Variants in DCC observed in about 807,000 individuals in gnomAD.
DCC encodes DCC netrin 1 receptor.
Under a neutral mutation model 172.5 loss-of-function variants are expected in DCC, and 58 were observed. That is an observed-to-expected ratio of 0.34 (90% CI 0.27 to 0.42). The LOEUF (loss-of-function observed/expected upper bound fraction) is 0.42, where lower values mean the gene tolerates loss of function less well. Among genes scored for constraint, DCC ranks in the 10% least tolerant of loss-of-function variants. The probability of loss-of-function intolerance (pLI) is 1.00; values close to 1 mark genes in which losing one functional copy is unlikely to be tolerated. For missense variants in DCC, 1,740 were observed against 1,791.0 expected (o/e 0.97, Z 0.51); for synonymous variants, 709 against 644.5 (o/e 1.10, Z -1.52).
intron 12 of DCC, among the ~76,000 whole-genome samples, chr18:53,279,398 CA>C (rs1175570873): frequency 2.7e-5 from 4 of 148,810 alleles, no homozygotes; most frequent in African/African-American, 9.9e-5. Context: ...ATCGCAAGGA[CA>C]AAAAACCAAA....
intron 1 of DCC, among the ~76,000 whole-genome samples, chr18:52,705,759 C>T (rs762455921): frequency 5.3e-5 from 8 of 152,044 alleles, no homozygotes; most frequent in African/African-American, 9.7e-5. Context: ...ATAGGTAAAG[C>T]GTCAAAAATA....
intron 1 of DCC, among the ~76,000 whole-genome samples, chr18:52,353,474 A>T (rs1005740396): frequency 1.3e-5 from 2 of 152,174 alleles, no homozygotes; most frequent in Non-Finnish European, 2.9e-5. Context: ...GAGCACACAC[A>T]TGCTCAAAGT....
At chr18:52,763,997 T>C (rs1421300205) in intron 2 of DCC, among the ~76,000 whole-genome samples, 3 of 152,272 alleles carry the variant, frequency 2.0e-5, no homozygotes, top group Admixed American at 6.5e-5. Context: ...AATAATTCAT[T>C]AATGAATGTT....
chr18:53,411,665 A>C (rs560518946), intron 20 of DCC, among the ~76,000 whole-genome samples: 1 of 152,184 alleles, frequency 6.6e-6, no homozygotes, highest in Non-Finnish European at 1.5e-5. Context: ...AGCTATTCAA[A>C]AGCTGGGTTT....
At chr18:52,711,728 C>G (rs1412106240) in intron 1 of DCC, among the ~76,000 whole-genome samples, 1 of 152,060 alleles carries the variant, frequency 6.6e-6, no homozygotes, top group Non-Finnish European at 1.5e-5. Flanking sequence ...TTCTTCTGAC[C>G]CAGTAAAAAT....
intron 2 of DCC, among the ~76,000 whole-genome samples, chr18:52,773,708 T>C (rs1007801423): frequency 2.0e-5 from 3 of 152,168 alleles, no homozygotes; most frequent in Non-Finnish European, 2.9e-5. Context: ...TTTGTATTTT[T>C]AGTAGAGACG....
At chr18:53,365,150 C>T (rs936259106) in intron 15 of DCC, among the ~76,000 whole-genome samples, 7 of 151,750 alleles carry the variant, frequency 4.6e-5, no homozygotes, top group African/African-American at 1.7e-4. Flanking sequence ...TGTTCAATTC[C>T]CACCTATGAG....
chr18:53,280,846 A>G (rs1425817642), intron 12 of DCC, among the ~76,000 whole-genome samples: 1 of 151,604 alleles, frequency 6.6e-6, no homozygotes, highest in Non-Finnish European at 1.5e-5. Context: ...GAACTATATG[A>G]AATTACCATT....
intron 21 of DCC, among the ~76,000 whole-genome samples, chr18:53,426,783 C>A (rs1398673567): frequency 1.3e-5 from 2 of 151,980 alleles, no homozygotes; most frequent in African/African-American, 4.8e-5. Context: ...CTACTTAATG[C>A]ATTTGTTGAG....
intron 1 of DCC, among the ~76,000 whole-genome samples, chr18:52,439,950 G>A (rs1987924182): frequency 6.6e-6 from 1 of 152,018 alleles, no homozygotes; most frequent in Non-Finnish European, 1.5e-5. Context: ...GAAATAAACG[G>A]GGCATAGCTG....
At chr18:53,139,966 A>ACTT (rs1376810355) in intron 7 of DCC, among the ~76,000 whole-genome samples, 1 of 152,226 alleles carries the variant, frequency 6.6e-6, no homozygotes, top group Non-Finnish European at 1.5e-5. Context: ...TATCTTGCTT[A>ACTT]CTGAATCCCC....
chr18:53,489,270 TTCA>T (rs1435865680), intron 26 of DCC, among the ~76,000 whole-genome samples: 9 of 152,332 alleles, frequency 5.9e-5, no homozygotes, highest in Admixed American at 2.6e-4. Context: ...TCTTCAGTCA[TTCA>T]TCAAGAACTT....
At chr18:52,445,390 G>A (rs1042446295) in intron 1 of DCC, among the ~76,000 whole-genome samples, 3 of 152,220 alleles carry the variant, frequency 2.0e-5, no homozygotes, top group East Asian at 1.9e-4. Context: ...TCCTGCAGCT[G>A]CACTTATTTA....
chr18:52,645,331 G>C (rs1025971018), intron 1 of DCC, among the ~76,000 whole-genome samples: 8 of 151,988 alleles, frequency 5.3e-5, no homozygotes, highest in African/African-American at 1.9e-4. Flanking sequence ...TTCTAAGGCA[G>C]TTAAATTTTA....
chr18:52,437,344 A>G (rs980291283), intron 1 of DCC, among the ~76,000 whole-genome samples: 2 of 152,132 alleles, frequency 1.3e-5, no homozygotes, highest in African/African-American at 2.4e-5. Flanking sequence ...GGGGCTCTCC[A>G]CAGGCTGGCA....
At chr18:53,278,011 A>G (rs141368909) in intron 12 of DCC, among the ~76,000 whole-genome samples, 72 of 152,310 alleles carry the variant, frequency 4.7e-4, no homozygotes, top group African/African-American at 1.6e-3. Flanking sequence ...TCACACACAG[A>G]TAATTGGGAT....
chr18:53,243,596 C>T (rs1005481094), intron 12 of DCC, among the ~76,000 whole-genome samples: 2 of 152,070 alleles, frequency 1.3e-5, no homozygotes, highest in Non-Finnish European at 2.9e-5. Context: ...TCAGAGTGCT[C>T]TCTGGGAAGA....
intron 1 of DCC, among the ~76,000 whole-genome samples, chr18:52,368,543 C>T (rs1477436025): frequency 2.6e-5 from 4 of 152,146 alleles, no homozygotes; most frequent in Non-Finnish European, 4.4e-5. Flanking sequence ...CCTCACACAG[C>T]GGGTACTGAG....
chr18:52,613,756 T>C (rs1294809512), intron 1 of DCC, among the ~76,000 whole-genome samples: 1 of 152,170 alleles, frequency 6.6e-6, no homozygotes, highest in African/African-American at 2.4e-5. Context: ...TCCTTTGTTA[T>C]AGTGGTGAAC....
Sources: allele counts gnomAD v4.1 joint callset (sites outside exome capture counted in the v4.1 genomes callset), GRCh38; gene constraint gnomAD v4.1.1; transcripts MANE v1.5; gene names NCBI Gene and HGNC (gene_info 2026-07-23, HGNC 2026-07-21).